Variants in MGAM2 observed in about 807,000 individuals in gnomAD.
The protein encoded by MGAM2 is maltase-glucoamylase 2 (putative).
MGAM2 carries 98 observed loss-of-function variants against 96.1 expected under a neutral mutation model. The observed-to-expected ratio is 1.02, with a 90% CI of 0.87 to 1.21. The LOEUF is 1.21. Among genes scored for constraint, MGAM2 ranks in the 50% most tolerant of loss-of-function variants. The pLI is 0.00. For synonymous variants in MGAM2, 749 were observed against 414.8 expected, an observed-to-expected ratio of 1.81 and a Z score of -9.79; for missense variants, 2,055 against 1,182.4, an observed-to-expected ratio of 1.74 and a Z score of -10.82.
chr7:142,131,721 T>C, intron 5 of MGAM2, 94 bp downstream of exon 5: 1 of 653,894 alleles, frequency 1.5e-6, no homozygotes, highest in Non-Finnish European at 2.8e-6. Context: ...CCTCTCTCCC[T>C]CTCTGCAGGA....
rs1370326949 is a variant in MGAM2 at position 142,148,109 on chromosome 7, A to T, written c.1634+536A>T. Among the ~76,000 whole-genome samples, 2 of 151,938 alleles carry T rather than the reference A, an allele frequency of 1.3e-5. No individual in the cohort carries two copies. The highest frequency in any genetic ancestry group is 2.9e-5 in the Non-Finnish European group (2 of 67,990). ...CTAAGACACACACACATGCACACAC[A>T]CGTGCACACACAACTATCACCATCA... On this transcript the variant is annotated intron_variant, in intron 15 of 47. Transcript: ENST00000477922. The surrounding 1 kb of genome is among the most constrained non-coding windows in gnomAD (Gnocchi z 4.2).
chr7:142,154,029 C>A lies in MGAM2; in HGVS notation c.1646C>A (p.Thr549Asn). 1.5e-6 allele frequency: 1 copy of A among 673,416 alleles called. No homozygotes were observed. Among genetic ancestry groups the A allele is most frequent in the Non-Finnish European group, 2.7e-6 (1 of 364,194 alleles). The allele number at this position is 673,416 out of a possible 1,614,324, so 41.7% of individuals were successfully genotyped here. Residue 549 changes from threonine to asparagine, a missense_variant, in exon 16 of 48, where the codon ACC becomes AAC. Coordinates refer to ENST00000477922, the MANE Select transcript of MGAM2 (RefSeq NM_001293626.2). ...GTATTCCTTTCCAGAGCCCTGGAGA[C>A]CATCTTCATGAATAATAGGAGCTTC... Reference protein sequence around the residue: ...MARTTNLALETIFMNNRSFIL... With the variant: ...MARTTNLALENIFMNNRSFIL...
At chr7:142,194,338 G>A (rs1796961584) in intron 37 of MGAM2, among the ~76,000 whole-genome samples, 1 of 152,050 alleles carries the variant, frequency 6.6e-6, no homozygotes, top group Non-Finnish European at 1.5e-5. Context: ...GGCCCCTCCA[G>A]CATTCTTTAT....
rs766788721 is a variant in MGAM2 at position 142,130,933 on chromosome 7, G to A, written c.187-15G>A. 6.7e-5 allele frequency: 47 copies of A among 702,286 alleles called. No homozygotes were observed. Among genetic ancestry groups the A allele is most frequent in the Non-Finnish European group, 1.2e-4 (46 of 384,896 alleles). The allele number at this position is 702,286 out of a possible 1,614,324, so 43.5% of individuals were successfully genotyped here. ...CCTCAGTTTATATACTGCTAACTCT[G>A]TGTCATTGTTACAGGATATCTGCAG... On this transcript the variant is annotated splice_polypyrimidine_tract_variant and intron_variant, in intron 3 of 47. Coordinates refer to ENST00000477922, the MANE Select transcript of MGAM2 (RefSeq NM_001293626.2).
chr7:142,206,654 A>G (rs2129103661), intron 45 of MGAM2, among the ~76,000 whole-genome samples: 1 of 152,346 alleles, frequency 6.6e-6, no homozygotes, highest in Middle Eastern at 3.4e-3. Context: ...TTAACTTTCT[A>G]TTACAGTATA....
At chr7:142,171,165 T>A (rs895036426) in intron 27 of MGAM2, 107 bp from the exon 28 acceptor site, 10 of 695,540 alleles carry the variant, frequency 1.4e-5, no homozygotes, top group Non-Finnish European at 2.6e-5. Context: ...TGGATCTAAA[T>A]GTGCAATAAT....
chr7:142,144,784 T>C, intron 13 of MGAM2, 77 bp from the exon 14 acceptor site: 1 of 629,884 alleles, frequency 1.6e-6, no homozygotes. Context: ...TCCTGGCTCC[T>C]AGTTCAGTAA....
At chr7:142,178,192 T>C (rs1796433311) in intron 32 of MGAM2, among the ~76,000 whole-genome samples, 1 of 152,182 alleles carries the variant, frequency 6.6e-6, no homozygotes, top group Admixed American at 6.5e-5. Flanking sequence ...GTCCTCTGCC[T>C]ACTTTTTAAT....
intron 25 of MGAM2, 139 bp from the exon 26 acceptor site, chr7:142,167,129 A>G (rs1796050701): frequency 5.2e-6 from 3 of 573,094 alleles, no homozygotes; most frequent in South Asian, 2.4e-5. Context: ...AGGACTTAAC[A>G]TCTTTTTTAG....
intron 45 of MGAM2, among the ~76,000 whole-genome samples, chr7:142,205,563 A>G (rs1193315915): frequency 1.3e-5 from 2 of 152,092 alleles, no homozygotes; most frequent in Non-Finnish European, 2.9e-5. Flanking sequence ...CTGATAACTA[A>G]TGTTGTTGAA....
At chr7:142,157,195 CT>C (rs1795759980) in intron 17 of MGAM2, among the ~76,000 whole-genome samples, 1 of 151,796 alleles carries the variant, frequency 6.6e-6, no homozygotes, top group African/African-American at 2.4e-5. Flanking sequence ...GGCAATGTGG[CT>C]TATAAGGCAA....
intron 3 of MGAM2, among the ~76,000 whole-genome samples, chr7:142,129,389 G>A (rs1432209250): frequency 6.6e-6 from 1 of 152,120 alleles, no homozygotes; most frequent in Non-Finnish European, 1.5e-5. Context: ...CTATTGGAAG[G>A]GCATGATTAT....
At chr7:142,204,930 G>T (rs77195476) in intron 45 of MGAM2, among the ~76,000 whole-genome samples, 1 of 151,954 alleles carries the variant, frequency 6.6e-6, no homozygotes, top group Non-Finnish European at 1.5e-5. Flanking sequence ...GGCATACTAC[G>T]GTGCCAATTT....
intron 37 of MGAM2, among the ~76,000 whole-genome samples, chr7:142,190,734 T>C (rs7456814): frequency 6.6e-6 from 1 of 152,244 alleles, no homozygotes; most frequent in Non-Finnish European, 1.5e-5. Flanking sequence ...ATTTCACTAA[T>C]ACTAATGTTA....
intron 3 of MGAM2, among the ~76,000 whole-genome samples, chr7:142,128,979 G>T (rs6953076): frequency 6.6e-6 from 1 of 152,134 alleles, no homozygotes; most frequent in African/African-American, 2.4e-5. Flanking sequence ...CGGAAAAGCC[G>T]CAGACACTCA....
intron 3 of MGAM2, among the ~76,000 whole-genome samples, chr7:142,123,963 CTTTTTTTTTTTTTT>C (rs960655956): frequency 5.1e-5 from 5 of 98,116 alleles, no homozygotes; most frequent in Admixed American, 1.0e-4. Context: ...AGTCCAGAAA[CTTTTTTTTTTTTTT>C]TTTTTTTTTT....
chr7:142,118,946 T>C (rs1396138721), intron 2 of MGAM2, among the ~76,000 whole-genome samples: 1 of 152,110 alleles, frequency 6.6e-6, no homozygotes, highest in Non-Finnish European at 1.5e-5. Flanking sequence ...GTTTCTTAGA[T>C]GATACCCAAA....
At position 142,154,830 on chromosome 7, in the gene MGAM2, T is replaced by G. The variant is rs755375617; in HGVS notation, c.1908T>G (p.Asn636Lys). ...GAFYPLPRNH[N>K]GPGFRDQDPA... ...TTTATCCACTACCAAGGAATCACAA[T>G]GGGCCTGGGTTCAGGGTAAGGTCAC... The change falls in exon 17 of 48, where the codon AAT becomes AAG. Residue 636 changes from asparagine to lysine, a missense_variant. Transcript: ENST00000477922. 2 of 703,366 alleles carry G rather than the reference T, an allele frequency of 2.8e-6. No individual in the cohort carries two copies. The highest frequency in any genetic ancestry group is 1.5e-5 in the South Asian group (1 of 67,596). The allele number at this position is 703,366 out of a possible 1,614,324, so 43.6% of individuals were successfully genotyped here.
chr7:142,215,742 G>C (rs568135910), intron 46 of MGAM2, among the ~76,000 whole-genome samples: 1 of 124,718 alleles, frequency 8.0e-6, no homozygotes, highest in East Asian at 2.3e-4. Flanking sequence ...TGGGTAGCAA[G>C]AGCGAAACTC....
Sources: allele counts gnomAD v4.1 joint callset (sites outside exome capture counted in the v4.1 genomes callset), GRCh38; gene constraint gnomAD v4.1.1; non-coding constraint Gnocchi (gnomAD v3.1); transcripts MANE v1.5; gene names NCBI Gene and HGNC (gene_info 2026-07-23, HGNC 2026-07-21).